Variants in CAMTA1 observed in about 807,000 individuals in gnomAD.
CAMTA1 encodes calmodulin-binding transcription activator 1.
CAMTA1 carries 27 observed loss-of-function variants against 170.9 expected under a neutral mutation model. That is an observed-to-expected ratio of 0.16 (90% CI 0.12 to 0.22). CAMTA1 has a LOEUF of 0.22. Among genes scored for constraint, CAMTA1 ranks in the 10% least tolerant of loss-of-function variants. The probability of loss-of-function intolerance (pLI) is 1.00; values close to 1 mark genes in which losing one functional copy is unlikely to be tolerated. For missense variants in CAMTA1, 1,619 were observed against 2,217.2 expected (o/e 0.73, Z 5.42); for synonymous variants, 833 against 891.5 (o/e 0.93, Z 1.17).
chr1:6,861,356 G>T (rs1041095783), intron 3 of CAMTA1, among the ~76,000 whole-genome samples: 2 of 152,218 alleles, frequency 1.3e-5, no homozygotes, highest in Non-Finnish European at 2.9e-5. Flanking sequence ...AGCAGAAGTT[G>T]TAGGTTAACG....
chr1:6,836,329 T>G (rs772925858), intron 3 of CAMTA1, among the ~76,000 whole-genome samples: 10 of 152,148 alleles, frequency 6.6e-5, no homozygotes, highest in Non-Finnish European at 1.3e-4. Flanking sequence ...TGCGATGAAA[T>G]AGAAATGTGT....
intron 3 of CAMTA1, among the ~76,000 whole-genome samples, chr1:7,021,097 G>A (rs1318687370): frequency 6.6e-6 from 1 of 152,264 alleles, no homozygotes; most frequent in South Asian, 2.1e-4. Context: ...GGCTGACACA[G>A]CTGGCCATAC....
intron 4 of CAMTA1, among the ~76,000 whole-genome samples, chr1:7,214,113 G>T (rs1007657599): frequency 6.6e-6 from 1 of 152,010 alleles, no homozygotes; most frequent in African/African-American, 2.4e-5. Flanking sequence ...TAATCCTTTG[G>T]GTATATACCC....
intron 7 of CAMTA1, among the ~76,000 whole-genome samples, chr1:7,661,327 CA>C (rs2095955161): frequency 2.6e-5 from 4 of 152,330 alleles, no homozygotes; most frequent in Non-Finnish European, 5.9e-5. Context: ...TGAGTCTCCA[CA>C]AGAAGCTCAC....
intron 3 of CAMTA1, among the ~76,000 whole-genome samples, chr1:6,927,897 A>G (rs747121309): frequency 6.6e-6 from 1 of 152,214 alleles, no homozygotes. Flanking sequence ...AAACTGGCCA[A>G]TAGGCCTGAG....
rs1170704286 is a variant in CAMTA1, at chr1:7,131,916, A to T, written c.302+40545A>T. ...ACTAAAAATACAAAAATTAGCCGGC[A>T]TGGTGGCACATGCCTGTAGTCCCAG... is the stretch of plus-strand genomic sequence containing the variant. On this transcript the variant is annotated intron_variant, in intron 4 of 22. Transcript: ENST00000303635. 2.6e-5 allele frequency among the ~76,000 whole-genome samples: 4 copies of T among 152,010 alleles called. No homozygotes were observed. The East Asian group carries it at 5.8e-4, about 22-fold the overall frequency.
chr1:7,624,391 A>T (rs1020747037), intron 6 of CAMTA1, among the ~76,000 whole-genome samples: 1 of 152,206 alleles, frequency 6.6e-6, no homozygotes, highest in Non-Finnish European at 1.5e-5. Context: ...TTTGTGTATG[A>T]GTGGTTGGTT....
chr1:7,729,559 A>T (rs1482846215), intron 11 of CAMTA1, among the ~76,000 whole-genome samples: 2 of 152,164 alleles, frequency 1.3e-5, no homozygotes, highest in Non-Finnish European at 2.9e-5. Flanking sequence ...CTTTCTAGAG[A>T]GTGAGAATAT....
At chr1:7,720,542 T>G (rs1024906484) in intron 11 of CAMTA1, among the ~76,000 whole-genome samples, 4 of 152,028 alleles carry the variant, frequency 2.6e-5, no homozygotes, top group Admixed American at 2.6e-4. Flanking sequence ...CCACCATGCC[T>G]GGCTAAATTT....
chr1:7,518,120 A>T (rs1481923847), intron 6 of CAMTA1, among the ~76,000 whole-genome samples: 7 of 152,010 alleles, frequency 4.6e-5, no homozygotes, highest in Non-Finnish European at 1.0e-4. Context: ...CCGTGATCCC[A>T]GAGTCAGGTT....
chr1:7,519,277 G>T (rs1029686703), intron 6 of CAMTA1, among the ~76,000 whole-genome samples: 1 of 152,002 alleles, frequency 6.6e-6, no homozygotes, highest in African/African-American at 2.4e-5. Context: ...CGGCAGGTGG[G>T]CAGGGGCCAG....
intron 11 of CAMTA1, among the ~76,000 whole-genome samples, chr1:7,696,491 G>GCC (rs1373488610): frequency 8.9e-6 from 1 of 112,176 alleles, no homozygotes; most frequent in Non-Finnish European, 1.8e-5. Flanking sequence ...ACAGTGCCCA[G>GCC]CCAGTTTTTT....
At chr1:7,152,696 G>C (rs1330717712) in intron 4 of CAMTA1, among the ~76,000 whole-genome samples, 2 of 152,216 alleles carry the variant, frequency 1.3e-5, no homozygotes, top group African/African-American at 4.8e-5. Context: ...AGGCGCCTCT[G>C]AGTCCCTCCC....
rs1020342970 is a variant in CAMTA1 at position 7,067,922 on chromosome 1, A to T, written c.235-23382A>T. Among the ~76,000 whole-genome samples, 5 of 152,168 alleles carry T rather than the reference A, an allele frequency of 3.3e-5. No homozygotes were observed. The highest frequency in any genetic ancestry group is 1.2e-4 in the African/African-American group (5 of 41,440). ...TTCTAGGACAATTTCCTGGCTCTTA[A>T]AAAAGGGTGTATGATTTCTGTCTTC... is the stretch of plus-strand genomic sequence containing the variant. On this transcript the variant is annotated intron_variant, in intron 3 of 22. Coordinates refer to ENST00000303635, the MANE Select transcript of CAMTA1 (RefSeq NM_015215.4). The surrounding 1 kb of genome is among the most constrained non-coding windows in gnomAD (Gnocchi z 4.3).
chr1:7,204,768 A>G (rs1657355610), intron 4 of CAMTA1, among the ~76,000 whole-genome samples: 1 of 136,738 alleles, frequency 7.3e-6, no homozygotes, highest in African/African-American at 2.7e-5. Flanking sequence ...TCCAAATACT[A>G]TTATTATTAT....
intron 5 of CAMTA1, among the ~76,000 whole-genome samples, chr1:7,367,865 G>A (rs1349264186): frequency 9.3e-4 from 100 of 107,308 alleles, no homozygotes; most frequent in East Asian, 1.2e-3. Flanking sequence ...TCATGGTTTC[G>A]TTGGGCACAG....
At chr1:7,349,305 C>T (rs961700926) in intron 5 of CAMTA1, among the ~76,000 whole-genome samples, 1 of 152,202 alleles carries the variant, frequency 6.6e-6, no homozygotes, top group African/African-American at 2.4e-5. Flanking sequence ...GGGGCACCGT[C>T]CTGCCACTGT....
At chr1:7,061,536 A>G (rs1708207105) in intron 3 of CAMTA1, among the ~76,000 whole-genome samples, 1 of 104,716 alleles carries the variant, frequency 9.5e-6, no homozygotes, top group African/African-American at 4.8e-5. Flanking sequence ...TTGAGTACCA[A>G]GTGTTGGGGA....
At chr1:7,080,334 T>G (rs1287463716) in intron 3 of CAMTA1, among the ~76,000 whole-genome samples, 1 of 152,172 alleles carries the variant, frequency 6.6e-6, no homozygotes, top group East Asian at 1.9e-4. Context: ...GGACATATAT[T>G]CCTCCAGTGC....
Sources: gnomAD v4.1 joint callset for allele counts (sites outside exome capture counted in the v4.1 genomes callset) on GRCh38, gnomAD v4.1.1 for gene constraint, Gnocchi (gnomAD v3.1) non-coding constraint, MANE v1.5 for transcripts, NCBI Gene and HGNC (gene_info 2026-07-23, HGNC 2026-07-21) for gene names.